Variants in UBE2E2 observed in about 807,000 individuals in gnomAD.
UBE2E2 encodes the protein ubiquitin-conjugating enzyme E2 E2.
UBE2E2 carries 6 observed loss-of-function variants against 24.7 expected under a neutral mutation model. The ratio of observed to expected loss-of-function variants is 0.24; its 90% CI spans 0.13 to 0.48. The LOEUF is 0.48. UBE2E2 is among the 20% of genes least tolerant of loss of function. The pLI is 0.99. For synonymous variants in UBE2E2, 104 were observed against 83.6 expected (o/e 1.24, Z -1.33); for missense variants, 169 against 245.0 (o/e 0.69, Z 2.07).
At chr3:23,303,858 G>A (rs1575547131) in intron 3 of UBE2E2, among the ~76,000 whole-genome samples, 1 of 152,006 alleles carries the variant, frequency 6.6e-6, no homozygotes, top group Non-Finnish European at 1.5e-5. Flanking sequence ...AAGTTCTCAG[G>A]GCTCTCCTCA....
chr3:23,334,766 G>A lies in UBE2E2; in HGVS notation c.227+117454G>A, dbSNP rs573365668. Among the ~76,000 whole-genome samples the A allele has an allele frequency of 2.0e-5, 3 of 152,294 alleles. No homozygotes were observed. In the South Asian group the frequency reaches 6.2e-4, roughly 32 times the overall value. On this transcript the variant is annotated intron_variant, in intron 3 of 5. Transcript: ENST00000396703. ...ATGCCTCCAGGGCAGACCTTCTAAT[G>A]TATTTTTCTGGGCAGGAGCACATTC...
intron 5 of UBE2E2, among the ~76,000 whole-genome samples, chr3:23,544,433 A>G (rs1695469193): frequency 6.6e-6 from 1 of 152,238 alleles, no homozygotes; most frequent in African/African-American, 2.4e-5. Flanking sequence ...CAAACGGCCA[A>G]GAAACATATG....
At chr3:23,273,790 G>C (rs1419198908) in intron 3 of UBE2E2, 5 of 152,350 alleles carry the variant, frequency 3.3e-5, no homozygotes, top group African/African-American at 1.2e-4. Context: ...GGTACATGCT[G>C]GTTAAAATAT....
Position 23,203,470 on chromosome 3 carries a change from C to T in UBE2E2, c.-9+6C>T, listed in dbSNP as rs1447290445. 2.0e-5 allele frequency: 19 copies of T among 948,902 alleles called. No individual in the cohort carries two copies. The highest frequency in any genetic ancestry group is 2.2e-5 in the Non-Finnish European group (18 of 820,606). The allele number at this position is 948,902 out of a possible 1,614,324, so 58.8% of individuals were successfully genotyped here. A position where few individuals can be genotyped will look rare whatever the true frequency, so the allele number is the denominator to read the frequency against. ...CACGGACACCCCCCCCTCAGGTATT[C>T]GCTCGGGCCGCGCCGGTGCCTCCCC... On this transcript the variant is annotated splice_donor_region_variant and intron_variant, in intron 1 of 5. Transcript: ENST00000396703.
chr3:23,267,215 T>A (rs1257502027), intron 3 of UBE2E2, among the ~76,000 whole-genome samples: 4 of 149,400 alleles, frequency 2.7e-5, no homozygotes, highest in Admixed American at 1.3e-4. Context: ...AGAGCAGAAC[T>A]GAAGGAAATA....
At chr3:23,396,591 G>A (rs1455156014) in intron 3 of UBE2E2, among the ~76,000 whole-genome samples, 1 of 151,892 alleles carries the variant, frequency 6.6e-6, no homozygotes, top group African/African-American at 2.4e-5. Flanking sequence ...GAATCCAGTA[G>A]ATCAGTAGAC....
At chr3:23,232,322 T>C (rs532718949) in intron 3 of UBE2E2, among the ~76,000 whole-genome samples, 7 of 152,370 alleles carry the variant, frequency 4.6e-5, no homozygotes, top group Admixed American at 4.6e-4. Flanking sequence ...TCCATCACTT[T>C]GCTAGGTCTC....
intron 3 of UBE2E2, among the ~76,000 whole-genome samples, chr3:23,332,336 G>C (rs375678795): frequency 6.6e-6 from 1 of 151,992 alleles, no homozygotes; most frequent in South Asian, 2.1e-4. Flanking sequence ...TAGAGATGGG[G>C]CTTCATGATG....
chr3:23,567,414 C>A (rs1466243299), intron 5 of UBE2E2, among the ~76,000 whole-genome samples: 3 of 152,148 alleles, frequency 2.0e-5, no homozygotes, highest in Non-Finnish European at 4.4e-5. Flanking sequence ...AAACAGGAAA[C>A]TACTGAATAC....
chr3:23,365,712 C>T (rs1222800751), intron 3 of UBE2E2, among the ~76,000 whole-genome samples: 1 of 152,052 alleles, frequency 6.6e-6, no homozygotes, highest in African/African-American at 2.4e-5. Flanking sequence ...AGATTCAGTG[C>T]CATTCCTATC....
rs567848549 is a variant in UBE2E2 at position 23,571,168 on chromosome 3, A to T, written c.509-18566A>T. Among the ~76,000 whole-genome samples, 60 of 151,306 alleles carry T rather than the reference A, an allele frequency of 4.0e-4. 1 individual carries two copies. The South Asian group carries it at 0.012, about 30-fold the overall frequency. On this transcript the variant is annotated intron_variant, in intron 5 of 5. Coordinates refer to ENST00000396703, the MANE Select transcript of UBE2E2 (RefSeq NM_152653.4). ...TGTTTTTAATATTACCTATTTAATT[A>T]TAAGTTTGTATAATGTTTTAATAAT... is the stretch of plus-strand genomic sequence containing the variant.
chr3:23,354,917 G>C (rs954556636), intron 3 of UBE2E2, among the ~76,000 whole-genome samples: 3 of 152,064 alleles, frequency 2.0e-5, no homozygotes, highest in Non-Finnish European at 4.4e-5. Context: ...CTGCTATAAA[G>C]ACACATGCAC....
At chr3:23,369,484 G>A (rs1696343894) in intron 3 of UBE2E2, among the ~76,000 whole-genome samples, 2 of 152,130 alleles carry the variant, frequency 1.3e-5, no homozygotes, top group Non-Finnish European at 2.9e-5. Context: ...GTTTCTTGCA[G>A]GTTATTATTT....
intron 5 of UBE2E2, among the ~76,000 whole-genome samples, chr3:23,548,576 T>G (rs1246287420): frequency 6.6e-6 from 1 of 152,164 alleles, no homozygotes; most frequent in Non-Finnish European, 1.5e-5. Context: ...TATTCTTGGT[T>G]GTTCCTTCTC....
chr3:23,293,963 A>G (rs921364321), intron 3 of UBE2E2, among the ~76,000 whole-genome samples: 1 of 152,222 alleles, frequency 6.6e-6, no homozygotes, highest in Non-Finnish European at 1.5e-5. Context: ...TAAAATAAAT[A>G]TAATACATTC....
In UBE2E2 at chr3:23,474,412, C is replaced by G. The variant is rs1441520202; in HGVS notation, c.228-25196C>G. On this transcript the variant is annotated intron_variant, in intron 3 of 5. Transcript: ENST00000396703. The surrounding 1 kb of genome is among the most constrained non-coding windows in gnomAD (Gnocchi z 4.0). ...CTCATTTTAAAATGCAAATTTGGTA[C>G]AAAGTACTCTTTTCTGAAGGGAACG... Among the ~76,000 whole-genome samples, 1 of 151,948 alleles carries G rather than the reference C, an allele frequency of 6.6e-6. No individual in the cohort carries two copies. The highest frequency in any genetic ancestry group is 6.5e-5 in the Admixed American group (1 of 15,268).
At chr3:23,265,912 G>A (rs913145586) in intron 3 of UBE2E2, among the ~76,000 whole-genome samples, 13 of 152,074 alleles carry the variant, frequency 8.5e-5, no homozygotes, top group African/African-American at 2.9e-4. Context: ...GGCCTTCTTT[G>A]TCTCTTTTGA....
At position 23,302,181 on chromosome 3, in the gene UBE2E2, C is replaced by G. The variant is rs191448774; in HGVS notation, c.227+84869C>G. Among the ~76,000 whole-genome samples the G allele has an allele frequency of 6.2e-3, 943 of 152,218 alleles. 14 individuals carry two copies. Among genetic ancestry groups the G allele is most frequent in the African/African-American group, 0.021 (874 of 41,522 alleles). Reference sequence around the variant, plus strand: ...GATGTCCCTTCCAGCCATATCCAGTCTGTTTTCAACAAAATTCTGACCACT... The same window carrying G: ...GATGTCCCTTCCAGCCATATCCAGTGTGTTTTCAACAAAATTCTGACCACT... On this transcript the variant is annotated intron_variant, in intron 3 of 5. Transcript: ENST00000396703.
At position 23,475,022 on chromosome 3, in the gene UBE2E2, T is replaced by C. The variant is rs138262193; in HGVS notation, c.228-24586T>C. Among the ~76,000 whole-genome samples, 402 of 152,240 alleles carry C rather than the reference T, an allele frequency of 2.6e-3. 2 individuals are homozygous for C. The highest frequency in any genetic ancestry group is 4.5e-3 in the Non-Finnish European group (304 of 68,032). ...AAGTGATAGAACTTTCTCCATGTTTTCCTTCACCACTCTGCAATACACAAC... is the reference window on the plus strand; with the variant it reads ...AAGTGATAGAACTTTCTCCATGTTTCCCTTCACCACTCTGCAATACACAAC... On this transcript the variant is annotated intron_variant, in intron 3 of 5. Transcript: ENST00000396703.
Sources: allele counts gnomAD v4.1 joint callset (sites outside exome capture counted in the v4.1 genomes callset), GRCh38; gene constraint gnomAD v4.1.1; non-coding constraint Gnocchi (gnomAD v3.1); transcripts MANE v1.5; gene names NCBI Gene and HGNC (gene_info 2026-07-23, HGNC 2026-07-21).